Variants in PHACTR1 observed in about 807,000 individuals in gnomAD.
PHACTR1 encodes phosphatase and actin regulator 1.
PHACTR1 carries 16 observed loss-of-function variants against 69.2 expected under a neutral mutation model. The ratio of observed to expected loss-of-function variants is 0.23; its 90% CI spans 0.16 to 0.35. The LOEUF is 0.35. Ranked by LOEUF, PHACTR1 falls within the 10% of genes least tolerant of loss-of-function variation. The pLI is 1.00. For missense variants in PHACTR1, 510 were observed against 734.7 expected, an observed-to-expected ratio of 0.69 and a Z score of 3.54; for synonymous variants, 312 against 284.5, an observed-to-expected ratio of 1.10 and a Z score of -0.97.
chr6:13,024,575 A>C (rs1044391341), intron 4 of PHACTR1, among the ~76,000 whole-genome samples: 1 of 152,178 alleles, frequency 6.6e-6, no homozygotes, highest in Non-Finnish European at 1.5e-5. Flanking sequence ...ACCAGACAGG[A>C]GCTCATCATC....
intron 4 of PHACTR1, among the ~76,000 whole-genome samples, chr6:12,921,441 T>A (rs1389315883): frequency 7.3e-6 from 1 of 137,792 alleles, no homozygotes; most frequent in African/African-American, 2.8e-5. Flanking sequence ...ACTGACATCC[T>A]ACCCATGCTG....
rs554086211 is a variant in PHACTR1, at chr6:12,944,713, A to G, written c.251-108652A>G. Reference sequence around the variant, plus strand: ...GAGAAGACAGAGAAAGTTCCCGTGAATGGGGATGAAAGGAGCGGTGAAGAC... The same window carrying G: ...GAGAAGACAGAGAAAGTTCCCGTGAGTGGGGATGAAAGGAGCGGTGAAGAC... On this transcript the variant is annotated intron_variant, in intron 4 of 14. Transcript: ENST00000332995. 6.6e-5 allele frequency among the ~76,000 whole-genome samples: 10 copies of G among 152,248 alleles called. No homozygotes were observed. In the East Asian group the frequency reaches 1.9e-3, roughly 29 times the overall value.
intron 4 of PHACTR1, among the ~76,000 whole-genome samples, chr6:12,778,063 A>G (rs1271536353): frequency 3.9e-5 from 6 of 152,350 alleles, no homozygotes; most frequent in African/African-American, 1.4e-4. Flanking sequence ...TACAAGGGGA[A>G]GTCTCAAGGT....
At chr6:12,950,905 A>G (rs1194145265) in intron 4 of PHACTR1, among the ~76,000 whole-genome samples, 3 of 152,110 alleles carry the variant, frequency 2.0e-5, no homozygotes, top group African/African-American at 7.2e-5. Flanking sequence ...TAGGCCTCTG[A>G]GTTCTTGTAT....
chr6:12,999,308 A>C (rs773177424), intron 4 of PHACTR1, among the ~76,000 whole-genome samples: 1 of 152,222 alleles, frequency 6.6e-6, no homozygotes, highest in African/African-American at 2.4e-5. Context: ...ATAATCTTAA[A>C]ATACGTTGAG....
At chr6:12,803,349 A>G (rs1005857175) in intron 4 of PHACTR1, among the ~76,000 whole-genome samples, 4 of 152,146 alleles carry the variant, frequency 2.6e-5, no homozygotes, top group Non-Finnish European at 5.9e-5. Flanking sequence ...CACCTGCTCC[A>G]GTCCTCTGAC....
chr6:12,859,324 T>C (rs6458503), intron 4 of PHACTR1, among the ~76,000 whole-genome samples: 107,476 of 152,050 alleles, frequency 0.71, 38,838 homozygotes, highest in East Asian at 0.99. Context: ...AAAGAGCTGG[T>C]CAACATGCTC....
At chr6:13,090,545 G>C (rs1343600114) in intron 5 of PHACTR1, among the ~76,000 whole-genome samples, 1 of 151,428 alleles carries the variant, frequency 6.6e-6, no homozygotes, top group Non-Finnish European at 1.5e-5. Flanking sequence ...GACTGGTCTT[G>C]AACTCCTGAC....
chr6:13,218,666 C>A (rs1008462), intron 8 of PHACTR1, among the ~76,000 whole-genome samples: 85,731 of 151,658 alleles, frequency 0.57, 25,858 homozygotes, highest in Non-Finnish European at 0.67. Flanking sequence ...CAAAAAAAAT[C>A]AAAAAATTAG....
intron 4 of PHACTR1, among the ~76,000 whole-genome samples, chr6:12,885,050 T>C (rs1783497862): frequency 6.6e-6 from 1 of 152,182 alleles, no homozygotes. Flanking sequence ...TTGTGCCTAG[T>C]AATGCTAACA....
chr6:13,013,507 C>A (rs748226394), intron 4 of PHACTR1, among the ~76,000 whole-genome samples: 2 of 152,226 alleles, frequency 1.3e-5, no homozygotes, highest in Admixed American at 6.5e-5. Context: ...GGCGTTCCGC[C>A]CTGGAGCTCT....
intron 13 of PHACTR1, among the ~76,000 whole-genome samples, chr6:13,284,430 T>C (rs1338523019): frequency 1.4e-5 from 2 of 146,300 alleles, no homozygotes; most frequent in African/African-American, 2.6e-5. Flanking sequence ...GGCAGGAGAA[T>C]TGCTTGAACC....
chr6:13,188,215 G>A (rs1035531301), intron 7 of PHACTR1, among the ~76,000 whole-genome samples: 1 of 152,194 alleles, frequency 6.6e-6, no homozygotes, highest in African/African-American at 2.4e-5. Context: ...AGGTGGAGAA[G>A]TCCGTGGACT....
At chr6:13,038,668 C>A (rs753185453) in intron 4 of PHACTR1, among the ~76,000 whole-genome samples, 3 of 152,116 alleles carry the variant, frequency 2.0e-5, no homozygotes, top group Non-Finnish European at 2.9e-5. Flanking sequence ...TACTTCTTTG[C>A]ATTAGGATTA....
chr6:12,728,848 C>G (rs554856999), intron 3 of PHACTR1, among the ~76,000 whole-genome samples: 73 of 151,884 alleles, frequency 4.8e-4, no homozygotes, highest in Non-Finnish European at 9.6e-4. Context: ...GCAAGCAGTA[C>G]AAGAAAAATA....
chr6:12,992,365 G>A (rs935231567), intron 4 of PHACTR1, among the ~76,000 whole-genome samples: 1 of 152,178 alleles, frequency 6.6e-6, no homozygotes, highest in African/African-American at 2.4e-5. Context: ...GCCTCTGAGT[G>A]CTATTCTTGG....
intron 5 of PHACTR1, among the ~76,000 whole-genome samples, chr6:13,134,054 C>T (rs1407613942): frequency 6.6e-6 from 1 of 151,356 alleles, no homozygotes; most frequent in East Asian, 2.0e-4. Context: ...AGGAGTGTCT[C>T]TGCCCTGCCG....
At chr6:13,023,217 T>C (rs1801230633) in intron 4 of PHACTR1, among the ~76,000 whole-genome samples, 2 of 152,180 alleles carry the variant, frequency 1.3e-5, no homozygotes, top group South Asian at 4.1e-4. Context: ...AGGTTTAAAA[T>C]GAAAATCAGC....
At chr6:13,280,913 A>G in intron 12 of PHACTR1, 1 of 1,272,880 alleles carries the variant, frequency 7.9e-7, no homozygotes, top group Non-Finnish European at 1.0e-6. Context: ...TTTCGTGGTC[A>G]GGGACATGAG....
Sources: allele counts gnomAD v4.1 joint callset (sites outside exome capture counted in the v4.1 genomes callset), GRCh38; gene constraint gnomAD v4.1.1; transcripts MANE v1.5; gene names NCBI Gene and HGNC (gene_info 2026-07-23, HGNC 2026-07-21).